The following WWC1 variants were observed in gnomAD, a reference collection of about 807,000 sequenced individuals.
The protein encoded by WWC1 is WW and C2 domain containing 1, also known as protein KIBRA.
A neutral mutation model predicts 138.4 loss-of-function variants in WWC1; 55 were observed. The observed-to-expected ratio is 0.40, with a 90% CI of 0.32 to 0.50. The LOEUF is 0.50. Among genes scored for constraint, WWC1 ranks in the 20% least tolerant of loss-of-function variants. The pLI is 0.72. For missense variants in WWC1, 1,226 were observed against 1,420.4 expected, an observed-to-expected ratio of 0.86 and a Z score of 2.20; for synonymous variants, 524 against 564.9, an observed-to-expected ratio of 0.93 and a Z score of 1.03.
intron 5 of WWC1, among the ~76,000 whole-genome samples, chr5:168,402,650 C>T (rs1460622331): frequency 6.6e-6 from 1 of 152,114 alleles, no homozygotes; most frequent in Non-Finnish European, 1.5e-5. Context: ...CGTTTTTGTC[C>T]TGCCATATAT....
intron 6 of WWC1, among the ~76,000 whole-genome samples, chr5:168,406,964 TAA>T (rs766315072): frequency 6.6e-6 from 1 of 150,834 alleles, no homozygotes; most frequent in East Asian, 2.0e-4. Context: ...AATAAATAAA[TAA>T]AGAGAGAGAG....
chr5:168,329,069 C>G (rs546123468), intron 1 of WWC1, among the ~76,000 whole-genome samples: 2 of 152,332 alleles, frequency 1.3e-5, no homozygotes, highest in South Asian at 4.1e-4. Context: ...ATAAGTTGGT[C>G]TTGCCCCATG....
chr5:168,468,625 A>G (rs529806377), intron 22 of WWC1, among the ~76,000 whole-genome samples: 11 of 152,254 alleles, frequency 7.2e-5, no homozygotes, highest in Non-Finnish European at 1.6e-4. Context: ...AAGTGGCCCA[A>G]GGGTCCTTTT....
intron 1 of WWC1, among the ~76,000 whole-genome samples, chr5:168,338,414 CT>C (rs1207733121): frequency 2.2e-5 from 3 of 135,086 alleles, no homozygotes; most frequent in Admixed American, 7.2e-5. Context: ...CCTTTTTTTT[CT>C]TTTTTTTTGG....
chr5:168,340,062 C>A (rs974534089), intron 1 of WWC1, among the ~76,000 whole-genome samples: 4 of 132,552 alleles, frequency 3.0e-5, no homozygotes, highest in Non-Finnish European at 6.5e-5. Context: ...TCTTTCTTTT[C>A]TTTTCTTCTC....
At chr5:168,355,759 T>G (rs1775355886) in intron 1 of WWC1, among the ~76,000 whole-genome samples, 1 of 152,054 alleles carries the variant, frequency 6.6e-6, no homozygotes, top group African/African-American at 2.4e-5. Flanking sequence ...GTGACAAGAC[T>G]GGATTAATGT....
intron 1 of WWC1, among the ~76,000 whole-genome samples, chr5:168,351,041 G>A (rs950330975): frequency 4.6e-5 from 7 of 152,016 alleles, no homozygotes; most frequent in African/African-American, 1.7e-4. Flanking sequence ...CAGCTACTTG[G>A]GAGGCTGAGG....
At chr5:168,397,143 T>A (rs556403027) in intron 3 of WWC1, among the ~76,000 whole-genome samples, 2 of 151,858 alleles carry the variant, frequency 1.3e-5, no homozygotes, top group African/African-American at 4.8e-5. Flanking sequence ...AAATTTAAAT[T>A]ATTCTTTTTT....
intron 8 of WWC1, among the ~76,000 whole-genome samples, chr5:168,412,433 T>C (rs1780298864): frequency 6.6e-6 from 1 of 152,210 alleles, no homozygotes; most frequent in African/African-American, 2.4e-5. Context: ...CTTAAAAGGA[T>C]GTAAGGCCTG....
At chr5:168,415,659 CA>C (rs1257604487) in intron 9 of WWC1, 7 of 152,126 alleles carry the variant, frequency 4.6e-5, no homozygotes, top group African/African-American at 1.7e-4. Context: ...CAGAAATTAA[CA>C]AGACATGGTC....
chr5:168,467,117 G>T (rs764143789), intron 21 of WWC1, among the ~76,000 whole-genome samples: 1 of 152,172 alleles, frequency 6.6e-6, no homozygotes, highest in Non-Finnish European at 1.5e-5. Flanking sequence ...AATTAGCCGG[G>T]CATGGTGGCG....
At chr5:168,342,405 T>C (rs1774108760) in intron 1 of WWC1, among the ~76,000 whole-genome samples, 1 of 152,130 alleles carries the variant, frequency 6.6e-6, no homozygotes, top group African/African-American at 2.4e-5. Context: ...TTAGGTGCTG[T>C]GGGTGAATGC....
chr5:168,434,393 G>T (rs1782189137), intron 15 of WWC1, among the ~76,000 whole-genome samples: 1 of 152,166 alleles, frequency 6.6e-6, no homozygotes, highest in Admixed American at 6.5e-5. Flanking sequence ...CCCACGCAGA[G>T]ACTCCGGACA....
chr5:168,438,246 T>G (rs1178804009), intron 15 of WWC1, among the ~76,000 whole-genome samples: 1 of 152,172 alleles, frequency 6.6e-6, no homozygotes, highest in Non-Finnish European at 1.5e-5. Flanking sequence ...TGATGAATTG[T>G]AGCCCCCATA....
At chr5:168,360,966 A>G (rs1775835974) in intron 1 of WWC1, among the ~76,000 whole-genome samples, 1 of 152,226 alleles carries the variant, frequency 6.6e-6, no homozygotes, top group Non-Finnish European at 1.5e-5. Flanking sequence ...AACCCAGCTC[A>G]TGAGGCTGGA....
rs143302883 is a variant in WWC1 at position 168,455,385 on chromosome 5, G to A, written c.2688G>A (p.Pro896=). The A allele has an allele frequency of 1.3e-5, 20 of 1,595,106 alleles. No homozygotes were observed. The highest frequency in any genetic ancestry group is 1.5e-5 in the Non-Finnish European group (17 of 1,172,290). ...KVDKETNTET[P]APSPTVVRPK... is the part of the protein sequence containing the mutation. ...ACAAAGAGACCAACACGGAGACCCC[G>A]GCCCCATCCCCCACAGTGGTGCGAC... Residue 896 remains proline (P), a synonymous_variant, in exon 19 of 23, where the codon CCG becomes CCA. Coordinates refer to ENST00000265293, the MANE Select transcript of WWC1 (RefSeq NM_015238.3).
intron 1 of WWC1, among the ~76,000 whole-genome samples, chr5:168,299,149 C>T (rs1223289208): frequency 6.6e-6 from 1 of 151,894 alleles, no homozygotes; most frequent in African/African-American, 2.4e-5. Context: ...GACTGGAGCC[C>T]ACCTAGCTGG....
intron 1 of WWC1, among the ~76,000 whole-genome samples, chr5:168,364,749 G>C (rs1471144920): frequency 6.6e-6 from 1 of 152,154 alleles, no homozygotes; most frequent in Admixed American, 6.5e-5. Context: ...GTGGTCAGAG[G>C]AATAATCCAA....
Position 168,441,824 on chromosome 5 carries a change from C to T in WWC1, c.2423C>T (p.Pro808Leu), listed in dbSNP as rs1165501939. Residue 808 changes from proline to leucine, a missense_variant, in exon 16 of 23, where the codon CCT (proline) becomes CTT (leucine). Pro to Leu is a moderately conservative substitution (Grantham distance 98). Transcript: ENST00000265293. The stretch of plus-strand genomic sequence containing the variant: ...GGAGTCATGGCCCCTGCCTCAGGGC[C>T]TGCCAGCACGGTGAGCTGGGACCAG... ...PVGVMAPASG[P>L]ASTDAVSALL... is the part of the protein sequence containing the mutation. 1 of 1,613,784 alleles carries T rather than the reference C, an allele frequency of 6.2e-7. No homozygotes were observed. Among genetic ancestry groups the T allele is most frequent in the Non-Finnish European group, 8.5e-7 (1 of 1,179,860 alleles).
Sources: gnomAD v4.1 joint callset for allele counts (sites outside exome capture counted in the v4.1 genomes callset) on GRCh38, gnomAD v4.1.1 for gene constraint, MANE v1.5 for transcripts, NCBI Gene and HGNC (gene_info 2026-07-23, HGNC 2026-07-21) for gene names.